PCDHA8: variants seen among roughly 807,000 people sequenced by gnomAD.
PCDHA8 encodes protocadherin alpha-8.
A neutral mutation model predicts 61.8 loss-of-function variants in PCDHA8; 53 were observed. That is an observed-to-expected ratio of 0.86 (90% CI 0.69 to 1.08). The LOEUF (loss-of-function observed/expected upper bound fraction) is 1.08, where lower values mean the gene tolerates loss of function less well. Among genes scored for constraint, PCDHA8 ranks in the 50% least tolerant of loss-of-function variants. PCDHA8 has a pLI of 0.00. For synonymous variants in PCDHA8, 618 were observed against 556.6 expected (o/e 1.11, Z -1.55); for missense variants, 1,293 against 1,245.0 (o/e 1.04, Z -0.58).
At position 141,010,262 on chromosome 5, in the gene PCDHA8, C is replaced by A; in HGVS notation, c.*325C>A. 4 of 1,551,728 alleles carry A rather than the reference C, an allele frequency of 2.6e-6. No homozygotes were observed. Among genetic ancestry groups the A allele is most frequent in the Non-Finnish European group, 3.5e-6 (4 of 1,146,994 alleles). On this transcript the variant is annotated 3_prime_UTR_variant, in exon 4 of 4. Transcript: ENST00000531613. ...GAGGTTGGACTCTCTGCCCTGTGCT[C>A]CGGGGATCCTGTCTTGATGACACTT...
intron 1 of PCDHA8, chr5:140,850,732 G>A (rs1320738084): frequency 6.3e-7 from 1 of 1,597,840 alleles, no homozygotes; most frequent in Non-Finnish European, 8.6e-7. Context: ...AGCGCGGTGG[G>A]GAGTTGGTCG....
chr5:140,904,082 C>T (rs1189911248), intron 1 of PCDHA8, among the ~76,000 whole-genome samples: 3 of 152,108 alleles, frequency 2.0e-5, no homozygotes, highest in African/African-American at 7.2e-5. Context: ...TATTTGGTTA[C>T]ATGAATAACT....
chr5:140,862,602 C>T (rs2047444114), intron 1 of PCDHA8: 2 of 514,424 alleles, frequency 3.9e-6, no homozygotes, highest in South Asian at 3.0e-5. Flanking sequence ...ACATGGTGTT[C>T]GTGAAAGGTA....
At chr5:140,868,865 G>A (rs1554162260) in intron 1 of PCDHA8, 2 of 582,344 alleles carry the variant, frequency 3.4e-6, no homozygotes. Context: ...GGTAAATGCA[G>A]TGCACAGTAC....
At chr5:140,968,253 C>A (rs782229675) in intron 1 of PCDHA8, 3 of 1,613,908 alleles carry the variant, frequency 1.9e-6, no homozygotes, top group Non-Finnish European at 2.5e-6. Flanking sequence ...GCCACAGACC[C>A]AGATGAAAAG....
chr5:140,875,394 G>T, intron 1 of PCDHA8: 1 of 1,476,976 alleles, frequency 6.8e-7, no homozygotes, highest in South Asian at 1.4e-5. Context: ...TACAGAAAAG[G>T]GTGACTGCTC....
At chr5:140,864,940 G>T (rs528676037) in intron 1 of PCDHA8, 4 of 152,296 alleles carry the variant, frequency 2.6e-5, no homozygotes, top group African/African-American at 9.6e-5. Flanking sequence ...TCTCAGGCCT[G>T]TAATCCCAGC....
chr5:140,895,442 C>T (rs2065008027), intron 1 of PCDHA8, among the ~76,000 whole-genome samples: 1 of 152,148 alleles, frequency 6.6e-6, no homozygotes. Context: ...AGACTCTTTT[C>T]ATGTGCTTAT....
At chr5:140,859,799 T>C (rs2046021191) in intron 1 of PCDHA8, 1 of 152,502 alleles carries the variant, frequency 6.6e-6, no homozygotes. Flanking sequence ...AAATTATAGA[T>C]GCTAAGTTAA....
chr5:140,948,937 T>C (rs1309849094), intron 1 of PCDHA8, among the ~76,000 whole-genome samples: 1 of 134,978 alleles, frequency 7.4e-6, no homozygotes, highest in African/African-American at 2.6e-5. Context: ...ACATTTCTTC[T>C]AATATAAAAA....
At chr5:140,903,873 A>G (rs1173905704) in intron 1 of PCDHA8, among the ~76,000 whole-genome samples, 2 of 152,204 alleles carry the variant, frequency 1.3e-5, no homozygotes, top group Non-Finnish European at 2.9e-5. Context: ...GTAAAATGAC[A>G]AAGACATTGA....
intron 1 of PCDHA8, among the ~76,000 whole-genome samples, chr5:140,947,608 A>G (rs1381677530): frequency 3.3e-5 from 5 of 151,684 alleles, no homozygotes; most frequent in Non-Finnish European, 7.4e-5. Flanking sequence ...AAGATTTGGT[A>G]TCTTAACAAT....
intron 1 of PCDHA8, among the ~76,000 whole-genome samples, chr5:140,891,305 C>T (rs2063030266): frequency 6.6e-6 from 1 of 152,042 alleles, no homozygotes; most frequent in South Asian, 2.1e-4. Context: ...TATTTGATTA[C>T]ATGAGTAAGT....
chr5:140,869,245 A>T (rs782617385), intron 1 of PCDHA8: 14 of 1,613,510 alleles, frequency 8.7e-6, no homozygotes, highest in Non-Finnish European at 1.2e-5. Flanking sequence ...CGTGGGCCGC[A>T]TCGCGCAGGA....
intron 3 of PCDHA8, among the ~76,000 whole-genome samples, chr5:140,989,478 G>A (rs1319813384): frequency 2.0e-5 from 3 of 152,204 alleles, no homozygotes; most frequent in Admixed American, 6.5e-5. Context: ...CTCCTGGGAG[G>A]TGCTTGAACA....
chr5:140,963,977 C>A (rs1311264244), intron 1 of PCDHA8, among the ~76,000 whole-genome samples: 1 of 152,164 alleles, frequency 6.6e-6, no homozygotes, highest in Non-Finnish European at 1.5e-5. Flanking sequence ...ACTCCAAAGT[C>A]TATATTCCTA....
chr5:140,966,279 G>A, intron 1 of PCDHA8: 1 of 364,628 alleles, frequency 2.7e-6, no homozygotes, highest in Non-Finnish European at 4.9e-6. Flanking sequence ...ACTGGACAGT[G>A]GGGGTAGGGA....
intron 1 of PCDHA8, among the ~76,000 whole-genome samples, chr5:140,878,522 C>A (rs1237264420): frequency 6.6e-6 from 1 of 152,072 alleles, no homozygotes; most frequent in Non-Finnish European, 1.5e-5. Flanking sequence ...AGTTGGTAAC[C>A]AACTGTGGCT....
chr5:140,866,116 T>C (rs1232986434), intron 1 of PCDHA8: 2 of 152,196 alleles, frequency 1.3e-5, no homozygotes, highest in Non-Finnish European at 2.9e-5. Flanking sequence ...AGTTGCCTTA[T>C]AAGAACTACG....
Sources: allele counts gnomAD v4.1 joint callset (sites outside exome capture counted in the v4.1 genomes callset), GRCh38; gene constraint gnomAD v4.1.1; transcripts MANE v1.5; gene names NCBI Gene and HGNC (gene_info 2026-07-23, HGNC 2026-07-21).